Variants in ASTN1 observed in about 807,000 individuals in gnomAD.
ASTN1 encodes astrotactin 1, also known as astrotactin-1.
ASTN1 carries 41 observed loss-of-function variants against 140.7 expected under a neutral mutation model. That is an observed-to-expected ratio of 0.29 (90% CI 0.23 to 0.38). ASTN1 has a LOEUF of 0.38. Among genes scored for constraint, ASTN1 ranks in the 10% least tolerant of loss-of-function variants. The probability of loss-of-function intolerance (pLI) is 1.00; values close to 1 mark genes in which losing one functional copy is unlikely to be tolerated. For missense variants in ASTN1, 1,479 were observed against 1,678.8 expected (o/e 0.88, Z 2.08); for synonymous variants, 640 against 652.2 (o/e 0.98, Z 0.29).
chr1:177,157,312 G>GTTGTTT (rs1683281397), intron 1 of ASTN1, among the ~76,000 whole-genome samples: 1 of 151,966 alleles, frequency 6.6e-6, no homozygotes, highest in Non-Finnish European at 1.5e-5. Flanking sequence ...TGTTGTTGTT[G>GTTGTTT]TTGTTGTTTG....
chr1:176,991,858 T>C (rs1386040340), intron 8 of ASTN1, among the ~76,000 whole-genome samples: 3 of 152,220 alleles, frequency 2.0e-5, no homozygotes, highest in African/African-American at 4.8e-5. Context: ...GTCAATCTTA[T>C]TGAGGGCATT....
chr1:177,013,742 T>C (rs1675407068), intron 8 of ASTN1, among the ~76,000 whole-genome samples: 1 of 152,220 alleles, frequency 6.6e-6, no homozygotes, highest in Non-Finnish European at 1.5e-5. Context: ...TTTGCCTTGA[T>C]TTCTTTCTAG....
intron 16 of ASTN1, among the ~76,000 whole-genome samples, chr1:176,895,565 G>T (rs1051833815): frequency 3.9e-5 from 6 of 152,166 alleles, no homozygotes; most frequent in Non-Finnish European, 5.9e-5. Flanking sequence ...TATTGAAGAT[G>T]GGAAGGGAAT....
At chr1:176,977,918 C>T (rs1373478354) in intron 8 of ASTN1, among the ~76,000 whole-genome samples, 1 of 152,190 alleles carries the variant, frequency 6.6e-6, no homozygotes, top group Non-Finnish European at 1.5e-5. Context: ...CTTGGGGTGA[C>T]ATCCTCATTT....
At chr1:176,920,312 C>T (rs879453095) in intron 16 of ASTN1, among the ~76,000 whole-genome samples, 1 of 152,180 alleles carries the variant, frequency 6.6e-6, no homozygotes, top group Non-Finnish European at 1.5e-5. Context: ...CTTGCTCCAG[C>T]CTCAGTGGGC....
intron 8 of ASTN1, among the ~76,000 whole-genome samples, chr1:176,993,597 C>A (rs1404523353): frequency 1.3e-5 from 2 of 152,110 alleles, no homozygotes; most frequent in Non-Finnish European, 2.9e-5. Context: ...GCATTCATCT[C>A]GCTAATAGAC....
Position 177,032,622 on chromosome 1 carries a change from G to A in ASTN1, c.699C>T (p.Ile233=). The change falls in exon 3 of 23, where the codon ATC becomes ATT. Residue 233 remains isoleucine (I), a synonymous_variant. Transcript: ENST00000361833. ...QGHNSSGTLS[I]RETPILDGYE... ...AGCCGTCCAGGATAGGTGTCTCCCG[G>A]ATGCTCAGGGTGCCACTGGAGTTGT... 1 of 1,614,186 alleles carries A rather than the reference G, an allele frequency of 6.2e-7. No homozygotes were observed.
chr1:177,149,383 AATATATATAGTATATATATAGTAAAT>A (rs1682901213), intron 1 of ASTN1, among the ~76,000 whole-genome samples: 6 of 66,958 alleles, frequency 9.0e-5, no homozygotes, highest in Admixed American at 2.3e-4. Context: ...ATATATAGTA[AATATATATAGTATATATATAGTAAAT>A]ATATATATAG....
intron 16 of ASTN1, among the ~76,000 whole-genome samples, chr1:176,931,678 T>C (rs1054056659): frequency 1.3e-5 from 2 of 152,078 alleles, no homozygotes; most frequent in Non-Finnish European, 2.9e-5. Context: ...TAAAGCAAGT[T>C]ACATATCTGC....
intron 8 of ASTN1, among the ~76,000 whole-genome samples, chr1:176,988,584 T>C (rs2101893412): frequency 6.6e-6 from 1 of 152,238 alleles, no homozygotes; most frequent in East Asian, 1.9e-4. Context: ...CTCCAACTGA[T>C]GTTAATTCTA....
chr1:177,113,548 C>G (rs931870585), intron 1 of ASTN1, among the ~76,000 whole-genome samples: 8 of 152,198 alleles, frequency 5.3e-5, no homozygotes, highest in African/African-American at 1.9e-4. Context: ...AGTGCCTGAG[C>G]TGGGCTCATT....
intron 8 of ASTN1, among the ~76,000 whole-genome samples, chr1:177,012,436 T>G (rs1025902146): frequency 3.3e-5 from 5 of 152,196 alleles, no homozygotes; most frequent in African/African-American, 1.2e-4. Context: ...TTCCTCCTCC[T>G]AACAGTTGCT....
At chr1:176,860,679 C>T (rs987053727), downstream of ASTN1, among the ~76,000 whole-genome samples, 3 of 152,330 alleles carry the variant, frequency 2.0e-5, no homozygotes, top group South Asian at 6.2e-4. Context: ...TCCTGTGCTT[C>T]TTTATCATAG....
At chr1:176,888,570 T>A (rs1488000005) in intron 17 of ASTN1, among the ~76,000 whole-genome samples, 2 of 152,224 alleles carry the variant, frequency 1.3e-5, no homozygotes, top group African/African-American at 4.8e-5. Context: ...GGGTGGCTAC[T>A]CTTCCCTCTG....
At chr1:177,163,188 T>C (rs1219028401) in intron 1 of ASTN1, among the ~76,000 whole-genome samples, 1 of 152,126 alleles carries the variant, frequency 6.6e-6, no homozygotes, top group Non-Finnish European at 1.5e-5. Flanking sequence ...GGAACTGTAG[T>C]TGGTAGGGTA....
chr1:176,914,294 G>A (rs146302291), intron 16 of ASTN1, among the ~76,000 whole-genome samples: 60 of 152,296 alleles, frequency 3.9e-4, no homozygotes, highest in African/African-American at 1.3e-3. Context: ...CTTTGGAGGA[G>A]AGAGGACATG....
chr1:176,996,780 C>T (rs932153820), intron 8 of ASTN1, among the ~76,000 whole-genome samples: 3 of 152,146 alleles, frequency 2.0e-5, no homozygotes, highest in Admixed American at 6.5e-5. Context: ...GGCATCCTGC[C>T]ACGCTAGGGG....
At chr1:177,097,829 G>A (rs1470265381) in intron 1 of ASTN1, among the ~76,000 whole-genome samples, 11 of 152,046 alleles carry the variant, frequency 7.2e-5, no homozygotes, top group South Asian at 4.2e-4. Context: ...AATCGATTAC[G>A]CCTATATAAT....
intron 16 of ASTN1, among the ~76,000 whole-genome samples, chr1:176,900,598 C>T (rs1391683627): frequency 6.6e-6 from 1 of 152,202 alleles, no homozygotes. Flanking sequence ...GGCAGACTGC[C>T]TGGGTTTGAT....
Sources: gnomAD v4.1 joint callset for allele counts (sites outside exome capture counted in the v4.1 genomes callset) on GRCh38, gnomAD v4.1.1 for gene constraint, MANE v1.5 for transcripts, NCBI Gene and HGNC (gene_info 2026-07-23, HGNC 2026-07-21) for gene names.